ANKFN1: variants seen among roughly 807,000 people sequenced by gnomAD.
ANKFN1 encodes the protein ankyrin repeat and fibronectin type-III domain-containing protein 1.
ANKFN1 carries 74 observed loss-of-function variants against 108.7 expected under a neutral mutation model. That is an observed-to-expected ratio of 0.68 (90% CI 0.56 to 0.83). ANKFN1 has a LOEUF of 0.83. Among genes scored for constraint, ANKFN1 ranks in the 40% least tolerant of loss-of-function variants. ANKFN1 has a pLI of 0.00. For synonymous variants in ANKFN1, 547 were observed against 516.2 expected (o/e 1.06, Z -0.81); for missense variants, 1,505 against 1,382.3 (o/e 1.09, Z -1.41).
chr17:56,225,753 G>T (rs1916221986), intron 2 of ANKFN1, among the ~76,000 whole-genome samples: 1 of 152,346 alleles, frequency 6.6e-6, no homozygotes, highest in Non-Finnish European at 1.5e-5. Flanking sequence ...CACTGCCACA[G>T]TATGCTTAAC....
At chr17:56,136,758 T>G (rs1402238937) in intron 4 of ANKFN1, among the ~76,000 whole-genome samples, 1 of 152,206 alleles carries the variant, frequency 6.6e-6, no homozygotes, top group Non-Finnish European at 1.5e-5. Flanking sequence ...CTTCTAGATA[T>G]TTCTCTATTT....
Position 56,354,028 on chromosome 17 carries a change from G to C in ANKFN1, c.583G>C (p.Ala195Pro). The C allele has an allele frequency of 6.2e-7, 1 of 1,613,770 alleles. No homozygotes were observed. Among genetic ancestry groups the C allele is most frequent in the Non-Finnish European group, 8.5e-7 (1 of 1,179,906 alleles). Residue 195 changes from alanine to proline, a missense_variant, in exon 6 of 21, where the codon GCC (alanine) becomes CCC (proline). Ala to Pro is a conservative substitution (Grantham distance 27). Coordinates refer to ENST00000682825, the MANE Select transcript of ANKFN1 (RefSeq NM_001370326.1). Reference protein sequence around the residue: ...PIARILLRTGARESPHFVSLE... With the variant: ...PIARILLRTGPRESPHFVSLE... ...TGCAAGGATTCTTCTGAGGACAGGG[G>C]CCCGAGAAAGTCCACACTGTAAGTA...
chr17:56,155,161 A>C (rs1402549056), intron 1 of ANKFN1, among the ~76,000 whole-genome samples: 1 of 152,184 alleles, frequency 6.6e-6, no homozygotes, highest in Non-Finnish European at 1.5e-5. Flanking sequence ...CAGAGACTGG[A>C]AGCTGGAAAA....
At chr17:56,379,199 C>A (rs1351648116) in intron 8 of ANKFN1, among the ~76,000 whole-genome samples, 1 of 152,060 alleles carries the variant, frequency 6.6e-6, no homozygotes, top group South Asian at 2.1e-4. Context: ...GAGATCGAGA[C>A]CATCCTGGCT....
chr17:56,383,252 G>A lies in ANKFN1; in HGVS notation c.910+8538G>A, dbSNP rs552718606. On this transcript the variant is annotated intron_variant, in intron 8 of 20. Coordinates refer to ENST00000682825, the MANE Select transcript of ANKFN1 (RefSeq NM_001370326.1). ...CTACTGGGTACATAACGAAATGAAG[G>A]CAGAAATAAAGATGTTCTTTGAAAC... 5.9e-5 allele frequency among the ~76,000 whole-genome samples: 9 copies of A among 152,188 alleles called. No homozygotes were observed. In the South Asian group the frequency reaches 8.3e-4, roughly 14 times the overall value.
chr17:56,224,166 A>G (rs928172763), intron 2 of ANKFN1, among the ~76,000 whole-genome samples: 1 of 152,232 alleles, frequency 6.6e-6, no homozygotes, highest in African/African-American at 2.4e-5. Context: ...TGATCAAAGC[A>G]AAGAGGAGAT....
intron 4 of ANKFN1, among the ~76,000 whole-genome samples, chr17:56,125,717 A>G (rs187326198): frequency 6.6e-6 from 1 of 152,312 alleles, no homozygotes; most frequent in Admixed American, 6.5e-5. Flanking sequence ...TAAAGTTATG[A>G]TTTGAATCCA....
chr17:56,299,151 G>A (rs960704275), intron 3 of ANKFN1, among the ~76,000 whole-genome samples: 1 of 152,280 alleles, frequency 6.6e-6, no homozygotes, highest in South Asian at 2.1e-4. Flanking sequence ...CTCATTTTCT[G>A]GGCAATAGCA....
At chr17:56,072,821 GAGA>G (rs1185659813) in intron 4 of ANKFN1, among the ~76,000 whole-genome samples, 1 of 152,134 alleles carries the variant, frequency 6.6e-6, no homozygotes, top group Non-Finnish European at 1.5e-5. Flanking sequence ...ATGAGGAGAG[GAGA>G]AGGTGGGGAA....
At chr17:56,286,761 A>G (rs563393058) in intron 3 of ANKFN1, among the ~76,000 whole-genome samples, 7 of 152,300 alleles carry the variant, frequency 4.6e-5, no homozygotes, top group Non-Finnish European at 7.4e-5. Flanking sequence ...AGCAAAGAAC[A>G]TTCGACTACT....
Position 56,289,934 on chromosome 17 carries a change from A to G in ANKFN1, c.54-36287A>G, listed in dbSNP as rs565925355. Among the ~76,000 whole-genome samples, 18 of 152,264 alleles carry G rather than the reference A, an allele frequency of 1.2e-4. No homozygotes were observed. In the South Asian group the frequency reaches 1.4e-3, roughly 12 times the overall value. ...TCCTGTGGTCTGGCAAGCCCTGTGA[A>G]AAAAAAGCAAGGCAGATATAGTTAG... On this transcript the variant is annotated intron_variant, in intron 3 of 20. Transcript: ENST00000682825.
At chr17:56,062,081 G>A (rs998289214) in intron 4 of ANKFN1, among the ~76,000 whole-genome samples, 1 of 152,152 alleles carries the variant, frequency 6.6e-6, no homozygotes, top group African/African-American at 2.4e-5. Context: ...TTTGATTGCA[G>A]TGTGGCCTGA....
chr17:56,432,106 T>C (rs1567996781), intron 8 of ANKFN1, among the ~76,000 whole-genome samples: 1 of 152,230 alleles, frequency 6.6e-6, no homozygotes, highest in African/African-American at 2.4e-5. Context: ...AGCCTGCTGA[T>C]TTCCAATTGT....
Position 56,084,597 on chromosome 17 carries a change from C to T in ANKFN1, c.288+38272C>T, listed in dbSNP as rs1367397623. Reference sequence around the variant, plus strand: ...TTTTCCACCGGGTAAGGGCCTGGTCCTTCCTGCGTGTTGACAGTGTATCTT... The same window carrying T: ...TTTTCCACCGGGTAAGGGCCTGGTCTTTCCTGCGTGTTGACAGTGTATCTT... On this transcript the variant is annotated intron_variant, in intron 4 of 12. Coordinates refer to the ANKFN1 transcript ENST00000635860. Among the ~76,000 whole-genome samples the T allele has an allele frequency of 5.3e-5, 8 of 151,338 alleles. 1 individual carries two copies. The highest frequency in any genetic ancestry group is 1.2e-4 in the Non-Finnish European group (8 of 67,784).
At chr17:56,417,577 TG>T (rs1437762404) in intron 8 of ANKFN1, among the ~76,000 whole-genome samples, 2 of 152,234 alleles carry the variant, frequency 1.3e-5, no homozygotes, top group Admixed American at 1.3e-4. Context: ...TTTAAGGCAC[TG>T]TGCCCAAGGT....
At chr17:56,239,456 T>C (rs1917417929) in intron 3 of ANKFN1, among the ~76,000 whole-genome samples, 2 of 152,190 alleles carry the variant, frequency 1.3e-5, no homozygotes, top group Non-Finnish European at 1.5e-5. Flanking sequence ...ATGTGATCAT[T>C]ACAACATTGT....
intron 14 of ANKFN1, among the ~76,000 whole-genome samples, chr17:56,460,640 C>T (rs1281426198): frequency 1.3e-5 from 2 of 151,886 alleles, no homozygotes; most frequent in Non-Finnish European, 2.9e-5. Context: ...TTGCACAGAC[C>T]GAACCTTCTT....
chr17:56,361,002 C>T (rs1449122068), intron 6 of ANKFN1, among the ~76,000 whole-genome samples: 1 of 152,100 alleles, frequency 6.6e-6, no homozygotes, highest in Admixed American at 6.6e-5. Flanking sequence ...TTCCCCACCC[C>T]TAGCCCATAG....
At position 56,212,641 on chromosome 17, in the gene ANKFN1, G is replaced by C. The variant is rs996264296; in HGVS notation, c.-27G>C. 2.0e-5 allele frequency among the ~76,000 whole-genome samples: 3 copies of C among 152,160 alleles called. No homozygotes were observed. Among genetic ancestry groups the C allele is most frequent in the African/African-American group, 7.2e-5 (3 of 41,444 alleles). On this transcript the variant is annotated 5_prime_UTR_variant, in exon 2 of 21. Coordinates refer to ENST00000682825, the MANE Select transcript of ANKFN1 (RefSeq NM_001370326.1). ...TAAGCTGTATGAAGAAATCCAGTTT[G>C]AGACCAGGAGCCTGTGGGCAGGCTA... is the stretch of plus-strand genomic sequence containing the variant.
Sources: allele counts gnomAD v4.1 joint callset (sites outside exome capture counted in the v4.1 genomes callset), GRCh38; gene constraint gnomAD v4.1.1; transcripts MANE v1.5; gene names NCBI Gene and HGNC (gene_info 2026-07-23, HGNC 2026-07-21).